MARK2: variants seen among roughly 807,000 people sequenced by gnomAD.
MARK2 encodes the protein serine/threonine-protein kinase MARK2.
In MARK2, 16 loss-of-function variants were observed where a neutral mutation model predicts 89.8. That is an observed-to-expected ratio of 0.18 (90% CI 0.12 to 0.27). MARK2 has a LOEUF of 0.27. MARK2 is among the 10% of genes least tolerant of loss of function. The pLI is 1.00. For synonymous variants in MARK2, 382 were observed against 399.5 expected, an observed-to-expected ratio of 0.96 and a Z score of 0.52; for missense variants, 621 against 1,049.9, an observed-to-expected ratio of 0.59 and a Z score of 5.65.
At chr11:63,908,842 C>T (rs749193783) in intron 18 of MARK2, 35 bp from the exon 19 acceptor site, 224 of 1,323,118 alleles carry the variant, frequency 1.7e-4, no homozygotes, top group Non-Finnish European at 2.1e-4. Context: ...GGTGCCTCAG[C>T]CCCCCCGTGA....
intron 1 of MARK2, among the ~76,000 whole-genome samples, chr11:63,878,138 T>C (rs918562382): frequency 1.3e-5 from 2 of 152,208 alleles, no homozygotes; most frequent in African/African-American, 4.8e-5. Context: ...GCCCCTGTTA[T>C]GTCAGGGTAC....
chr11:63,853,721 C>T (rs2016688594), intron 1 of MARK2, among the ~76,000 whole-genome samples: 1 of 152,200 alleles, frequency 6.6e-6, no homozygotes, highest in Non-Finnish European at 1.5e-5. Context: ...TGGCACTAAG[C>T]TCTACTAGTG....
chr11:63,898,278 T>C lies in MARK2; in HGVS notation c.335T>C (p.Ile112Thr). 1 of 1,613,620 alleles carries C rather than the reference T, an allele frequency of 6.2e-7. No homozygotes were observed. The highest frequency in any genetic ancestry group is 8.5e-7 in the Non-Finnish European group (1 of 1,179,508). ...RIMKVLNHPN[I>T]VKLFEVIETE... is the part of the protein sequence containing the mutation. ...ATGAAGGTTTTGAATCATCCCAACATAGGTGAGCACAAGTTGTTATTTCTT... is the reference window on the plus strand; with the variant it reads ...ATGAAGGTTTTGAATCATCCCAACACAGGTGAGCACAAGTTGTTATTTCTT... The change falls in exon 4 of 19, where the codon ATA becomes ACA. Residue 112 changes from isoleucine (I) to threonine (T), a missense_variant and splice_region_variant. Transcript: ENST00000402010.
At chr11:63,897,671 G>T (rs1396266270) in intron 3 of MARK2, among the ~76,000 whole-genome samples, 3 of 152,226 alleles carry the variant, frequency 2.0e-5, no homozygotes, top group Admixed American at 1.3e-4. Context: ...GCGTGAGTGT[G>T]TGGAGGTGGA....
chr11:63,884,157 C>T (rs888337001), intron 1 of MARK2, among the ~76,000 whole-genome samples: 1 of 152,186 alleles, frequency 6.6e-6, no homozygotes, highest in Admixed American at 6.5e-5. Context: ...TTTGCTAGGG[C>T]AACAGTAGCT....
At chr11:63,878,455 C>T (rs866294006) in intron 1 of MARK2, among the ~76,000 whole-genome samples, 3 of 150,890 alleles carry the variant, frequency 2.0e-5, no homozygotes, top group Admixed American at 6.6e-5. Flanking sequence ...CTGCAAGCTC[C>T]GCCTCCTGGG....
chr11:63,879,785 C>T (rs1399628137), intron 1 of MARK2, among the ~76,000 whole-genome samples: 1 of 152,098 alleles, frequency 6.6e-6, no homozygotes, highest in Non-Finnish European at 1.5e-5. Flanking sequence ...TGTGCTCTGA[C>T]CTCTGGCCAT....
rs576540655 is a variant in MARK2 at position 63,862,085 on chromosome 11, G to A, written c.54+22525G>A. On this transcript the variant is annotated intron_variant, in intron 1 of 18. Transcript: ENST00000402010. ...ATTGCAGGTATCCGCCACCATGCCC[G>A]GCTAATATTTTGTATTTCTAGTAGA... Among the ~76,000 whole-genome samples the A allele has an allele frequency of 8.6e-5, 13 of 151,942 alleles. No homozygotes were observed. In the East Asian group the frequency reaches 1.5e-3, roughly 18 times the overall value.
intron 1 of MARK2, chr11:63,882,735 C>CTTCA (rs1345116316): frequency 6.6e-6 from 1 of 152,162 alleles, no homozygotes; most frequent in Non-Finnish European, 1.5e-5. Flanking sequence ...GAATGACACC[C>CTTCA]TTCACTACTA....
chr11:63,839,240 G>A lies in MARK2; in HGVS notation c.-267G>A, dbSNP rs968281755. 2.9e-5 allele frequency: 7 copies of A among 241,768 alleles called. No individual in the cohort carries two copies. Among genetic ancestry groups the A allele is most frequent in the African/African-American group, 1.6e-4 (7 of 43,578 alleles). 15.0% of individuals were successfully genotyped at this position (241,768 alleles called of 1,614,324 possible). On this transcript the variant is annotated 5_prime_UTR_variant, in exon 1 of 19. Transcript: ENST00000402010. Reference sequence around the variant, plus strand: ...CCGGCTGCGGCGGCAGAGAGTAGGCGGAGCGGCGCGGCCCGGCCGAAAGGC... The same window carrying A: ...CCGGCTGCGGCGGCAGAGAGTAGGCAGAGCGGCGCGGCCCGGCCGAAAGGC...
intron 1 of MARK2, among the ~76,000 whole-genome samples, chr11:63,873,410 G>A (rs146359626): frequency 1.3e-5 from 2 of 152,296 alleles, no homozygotes; most frequent in African/African-American, 4.8e-5. Flanking sequence ...GAGAGTGGTA[G>A]CTGCTCCTTT....
chr11:63,859,342 A>G (rs1458234403), intron 1 of MARK2, among the ~76,000 whole-genome samples: 3 of 150,154 alleles, frequency 2.0e-5, no homozygotes, highest in Admixed American at 6.6e-5. Flanking sequence ...TTCCCCGAGA[A>G]GGAGTCCTGC....
chr11:63,909,412 T>C lies in MARK2; in HGVS notation c.*175T>C. Reference sequence around the variant, plus strand: ...TTACATGTTTGTGGGGGGTGGGAGATTGTTCTCCAGCACCCCACATTCACC... The same window carrying C: ...TTACATGTTTGTGGGGGGTGGGAGACTGTTCTCCAGCACCCCACATTCACC... On this transcript the variant is annotated 3_prime_UTR_variant, in exon 19 of 19. Transcript: ENST00000402010. 1.6e-6 allele frequency: 1 copy of C among 634,922 alleles called. No homozygotes were observed. The highest frequency in any genetic ancestry group is 2.5e-6 in the Non-Finnish European group (1 of 396,204). 39.3% of individuals were successfully genotyped at this position (634,922 alleles called of 1,614,324 possible).
At chr11:63,898,186 T>C (rs770545768) in intron 3 of MARK2, 46 bp from the exon 4 acceptor site, 1 of 1,559,552 alleles carries the variant, frequency 6.4e-7, no homozygotes, top group South Asian at 1.1e-5. Context: ...AGAGACCTGA[T>C]GGGAGCAAGT....
chr11:63,898,922 C>A (rs1275113580), intron 6 of MARK2, 89 bp downstream of exon 6: 1 of 1,311,548 alleles, frequency 7.6e-7, no homozygotes, highest in Non-Finnish European at 1.1e-6. Flanking sequence ...TGTAAGTGGC[C>A]CTTGGAGGGT....
In MARK2 at chr11:63,885,211, G is replaced by A. The variant is rs146804987; in HGVS notation, c.55-9948G>A. Among the ~76,000 whole-genome samples, 471 of 152,026 alleles carry A rather than the reference G, an allele frequency of 3.1e-3. 2 individuals carry two copies. Among genetic ancestry groups the A allele is most frequent in the African/African-American group, 9.1e-3 (378 of 41,460 alleles). On this transcript the variant is annotated intron_variant, in intron 1 of 18. Transcript: ENST00000402010. Reference sequence around the variant, plus strand: ...CTGTTTAAAAATAAATAAATAAATAGGGACTTGCCACAGGCACATGACCTT... The same window carrying A: ...CTGTTTAAAAATAAATAAATAAATAAGGACTTGCCACAGGCACATGACCTT...
In MARK2 at chr11:63,902,907, G is replaced by C. The variant is rs962598592; in HGVS notation, c.1416+125G>C. 9.4e-7 allele frequency: 1 copy of C among 1,065,880 alleles called. No individual in the cohort carries two copies. Among genetic ancestry groups the C allele is most frequent in the Non-Finnish European group, 1.4e-6 (1 of 708,358 alleles). The allele number at this position is 1,065,880 out of a possible 1,614,324, so 66.0% of individuals were successfully genotyped here. A position where few individuals can be genotyped will look rare whatever the true frequency, so the allele number is the denominator to read the frequency against. On this transcript the variant is annotated intron_variant, in intron 13 of 18. Coordinates refer to ENST00000402010, the MANE Select transcript of MARK2 (RefSeq NM_001039469.3). The surrounding 1 kb of genome is among the most constrained non-coding windows in gnomAD (Gnocchi z 4.2). Reference sequence around the variant, plus strand: ...ACTTCTGCTTATAGCAGGAAGCCTCGCTCCCAGCAGTAAATGCAGAATCCT... The same window carrying C: ...ACTTCTGCTTATAGCAGGAAGCCTCCCTCCCAGCAGTAAATGCAGAATCCT...
intron 1 of MARK2, chr11:63,889,005 C>CT (rs1357846068): frequency 2.5e-5 from 33 of 1,317,056 alleles, no homozygotes; most frequent in Non-Finnish European, 3.3e-5. Context: ...GCCTCCTCCT[C>CT]TTTCTTTCCT....
chr11:63,849,492 C>T (rs2016456088), intron 1 of MARK2, among the ~76,000 whole-genome samples: 1 of 152,194 alleles, frequency 6.6e-6, no homozygotes, highest in Non-Finnish European at 1.5e-5. Flanking sequence ...GTGGCTCATG[C>T]CTGTAATCCC....
Sources: allele counts gnomAD v4.1 joint callset (sites outside exome capture counted in the v4.1 genomes callset), GRCh38; gene constraint gnomAD v4.1.1; non-coding constraint Gnocchi (gnomAD v3.1); transcripts MANE v1.5; gene names NCBI Gene and HGNC (gene_info 2026-07-23, HGNC 2026-07-21).